Variants in SHISA6 observed in about 807,000 individuals in gnomAD.
The protein encoded by SHISA6 is protein shisa-6.
In SHISA6, 22 loss-of-function variants were observed where a neutral mutation model predicts 47.9. The ratio of observed to expected loss-of-function variants is 0.46; its 90% CI spans 0.33 to 0.66. The LOEUF (loss-of-function observed/expected upper bound fraction) is 0.66, where lower values mean the gene tolerates loss of function less well. Among genes scored for constraint, SHISA6 ranks in the 30% least tolerant of loss-of-function variants. The pLI, the probability that SHISA6 is intolerant of heterozygous loss-of-function variation, is 0.02. For missense variants in SHISA6, 680 were observed against 764.6 expected (o/e 0.89, Z 1.30); for synonymous variants, 388 against 337.8 (o/e 1.15, Z -1.63).
chr17:11,536,293 T>G (rs1340155037), intron 3 of SHISA6, among the ~76,000 whole-genome samples: 1 of 152,036 alleles, frequency 6.6e-6, no homozygotes, highest in Non-Finnish European at 1.5e-5. Context: ...CCAGGAACAC[T>G]CATAGCATTA....
chr17:11,383,301 C>T (rs1327561486), intron 3 of SHISA6, among the ~76,000 whole-genome samples: 6 of 152,102 alleles, frequency 3.9e-5, no homozygotes, highest in African/African-American at 1.2e-4. Context: ...CTAGCATCAG[C>T]GGGGGCTCTT....
chr17:11,484,329 A>G (rs1461133896), intron 3 of SHISA6, among the ~76,000 whole-genome samples: 1 of 152,242 alleles, frequency 6.6e-6, no homozygotes, highest in African/African-American at 2.4e-5. Flanking sequence ...AGAACAAACT[A>G]GAGAGAAAGA....
intron 2 of SHISA6, among the ~76,000 whole-genome samples, chr17:11,329,428 G>A (rs959861504): frequency 1.3e-5 from 2 of 152,166 alleles, no homozygotes; most frequent in East Asian, 1.9e-4. Flanking sequence ...GAGACTGTCC[G>A]TGGATAAGCA....
chr17:11,246,825 T>C (rs1474719787), intron 1 of SHISA6, among the ~76,000 whole-genome samples: 1 of 151,298 alleles, frequency 6.6e-6, no homozygotes. Context: ...ATGTTGCCTT[T>C]GATATATGAG....
chr17:11,509,160 G>A (rs563772644), intron 3 of SHISA6, among the ~76,000 whole-genome samples: 3 of 152,260 alleles, frequency 2.0e-5, no homozygotes, highest in East Asian at 1.9e-4. Context: ...AAGAAGTGTC[G>A]GAAGGCCCAA....
Position 11,277,157 on chromosome 17 carries a change from T to C in SHISA6, c.799+13631T>C, listed in dbSNP as rs199711356. Reference sequence around the variant, plus strand: ...TTGGCAGATGAGCTGAGCTGGGGTGTTCAGTTCTCCAGTGGACGTTGCCAG... The same window carrying C: ...TTGGCAGATGAGCTGAGCTGGGGTGCTCAGTTCTCCAGTGGACGTTGCCAG... On this transcript the variant is annotated intron_variant, in intron 2 of 5. Coordinates refer to ENST00000441885, the MANE Select transcript of SHISA6 (RefSeq NM_207386.4). 3.3e-5 allele frequency among the ~76,000 whole-genome samples: 5 copies of C among 151,976 alleles called. No homozygotes were observed. The East Asian group carries it at 7.8e-4, about 24-fold the overall frequency.
intron 2 of SHISA6, among the ~76,000 whole-genome samples, chr17:11,306,207 C>T (rs534286437): frequency 6.6e-6 from 1 of 152,312 alleles, no homozygotes; most frequent in South Asian, 2.1e-4. Flanking sequence ...AAGCAATTCT[C>T]CTCTCATGAG....
intron 3 of SHISA6, among the ~76,000 whole-genome samples, chr17:11,431,428 T>C (rs1597510014): frequency 6.6e-6 from 1 of 152,170 alleles, no homozygotes; most frequent in Non-Finnish European, 1.5e-5. Context: ...AAGATGAAGG[T>C]ATACCAACTG....
chr17:11,340,068 T>TCCTGTATGTTATTCCCCCTA, intron 2 of SHISA6, among the ~76,000 whole-genome samples: 1 of 152,334 alleles, frequency 6.6e-6, no homozygotes, highest in East Asian at 1.9e-4. Flanking sequence ...TTTTTTGCCT[T>TCCTGTATGTTATTCCCCCTA]CCTGTATGTT....
Position 11,430,303 on chromosome 17 carries a change from G to T in SHISA6, c.895+50794G>T, listed in dbSNP as rs141865215. ...GGACGAGGCCACGAGACTGGTTGTG[G>T]CCCATGTGTTGTGAGTAGAATTGAA... On this transcript the variant is annotated intron_variant, in intron 3 of 5. Transcript: ENST00000441885. Among the ~76,000 whole-genome samples the T allele has an allele frequency of 8.6e-3, 1,311 of 152,222 alleles. 44 individuals carry two copies. Among genetic ancestry groups the T allele is most frequent in the Admixed American group, 0.06 (912 of 15,286 alleles).
intron 3 of SHISA6, among the ~76,000 whole-genome samples, chr17:11,479,664 T>C (rs1916164261): frequency 6.6e-6 from 1 of 151,908 alleles, no homozygotes; most frequent in Non-Finnish European, 1.5e-5. Flanking sequence ...AATAATAAAA[T>C]AATTTTAATT....
intron 2 of SHISA6, among the ~76,000 whole-genome samples, chr17:11,324,645 C>G (rs1436014858): frequency 6.6e-6 from 1 of 152,142 alleles, no homozygotes; most frequent in Non-Finnish European, 1.5e-5. Context: ...TAATCCTCCC[C>G]TTCGTTCAAC....
rs1365525678 is a variant in SHISA6, at chr17:11,254,496, C to T, written c.639-8870C>T. Among the ~76,000 whole-genome samples, 12 of 152,182 alleles carry T rather than the reference C, an allele frequency of 7.9e-5. 2 individuals are homozygous for T. The highest frequency in any genetic ancestry group is 6.5e-4 in the Admixed American group (10 of 15,286). The stretch of plus-strand genomic sequence containing the variant: ...GTGAGGATGCTGCTTTTAGCATCTT[C>T]GACTCATAGGATCTCTTGGTAGAAG... On this transcript the variant is annotated intron_variant, in intron 1 of 5. Coordinates refer to ENST00000441885, the MANE Select transcript of SHISA6 (RefSeq NM_207386.4).
chr17:11,401,557 G>A (rs79979517), intron 3 of SHISA6, among the ~76,000 whole-genome samples: 4,367 of 152,180 alleles, frequency 0.029, 178 homozygotes, highest in African/African-American at 0.086. Context: ...GAGAGAGTTC[G>A]GAAGAAGTCA....
At chr17:11,548,255 A>C (rs2071899087) in intron 3 of SHISA6, among the ~76,000 whole-genome samples, 1 of 152,162 alleles carries the variant, frequency 6.6e-6, no homozygotes, top group African/African-American at 2.4e-5. Context: ...CCCCCCGAAA[A>C]GACACTACAC....
intron 3 of SHISA6, among the ~76,000 whole-genome samples, chr17:11,517,522 A>T (rs1307271693): frequency 1.3e-5 from 2 of 152,150 alleles, no homozygotes; most frequent in Non-Finnish European, 2.9e-5. Context: ...TTTGTTATGG[A>T]ATCGGGTTCT....
intron 3 of SHISA6, among the ~76,000 whole-genome samples, chr17:11,539,825 T>G (rs2142377946): frequency 6.6e-6 from 1 of 152,296 alleles, no homozygotes; most frequent in South Asian, 2.1e-4. Context: ...AAGGCTGATA[T>G]CCCTGACTGG....
At chr17:11,263,580 G>C in intron 2 of SHISA6, 54 bp downstream of exon 2, 1 of 1,543,824 alleles carries the variant, frequency 6.5e-7, no homozygotes, top group East Asian at 2.5e-5. Flanking sequence ...AGAGGTTTCA[G>C]GATGTTTCTG....
intron 2 of SHISA6, among the ~76,000 whole-genome samples, chr17:11,342,105 G>A (rs1311425128): frequency 1.3e-5 from 2 of 152,058 alleles, no homozygotes; most frequent in African/African-American, 2.4e-5. Context: ...GAAATGGAGC[G>A]GGGTGATGGG....
Sources: gnomAD v4.1 joint callset for allele counts (sites outside exome capture counted in the v4.1 genomes callset) on GRCh38, gnomAD v4.1.1 for gene constraint, MANE v1.5 for transcripts, NCBI Gene and HGNC (gene_info 2026-07-23, HGNC 2026-07-21) for gene names.